Variants in PTPRD observed in about 807,000 individuals in gnomAD.
The protein encoded by PTPRD is protein tyrosine phosphatase receptor type D.
PTPRD carries 34 observed loss-of-function variants against 214.5 expected under a neutral mutation model. That is an observed-to-expected ratio of 0.16 (90% CI 0.12 to 0.21). The LOEUF is 0.21. PTPRD is among the 10% of genes least tolerant of loss of function. The probability of loss-of-function intolerance (pLI) is 1.00; values close to 1 mark genes in which losing one functional copy is unlikely to be tolerated. For synonymous variants in PTPRD, 1,128 were observed against 845.7 expected (o/e 1.33, Z -5.79); for missense variants, 2,545 against 2,398.7 (o/e 1.06, Z -1.27).
intron 5 of PTPRD, among the ~76,000 whole-genome samples, chr9:9,923,121 G>GTGT (rs1555340153): frequency 4.4e-5 from 2 of 45,350 alleles, no homozygotes; most frequent in African/African-American, 5.9e-4. Flanking sequence ...GTGTGTGTGG[G>GTGT]GGGTGTGTGT....
intron 12 of PTPRD, among the ~76,000 whole-genome samples, chr9:8,644,008 G>A (rs77254043): frequency 0.02 from 2,976 of 152,278 alleles, 72 homozygotes; most frequent in African/African-American, 0.068. Context: ...GCCCATGGCT[G>A]TCCATGGACC....
intron 36 of PTPRD, among the ~76,000 whole-genome samples, chr9:8,398,736 A>C (rs996967830): frequency 6.6e-6 from 1 of 152,158 alleles, no homozygotes; most frequent in Non-Finnish European, 1.5e-5. Context: ...GGATGCAGCA[A>C]AACAGAGCAC....
intron 4 of PTPRD, among the ~76,000 whole-genome samples, chr9:9,949,328 A>G (rs908122282): frequency 6.6e-6 from 1 of 152,156 alleles, no homozygotes; most frequent in African/African-American, 2.4e-5. Context: ...TTAAAACATT[A>G]TAAGACTTAA....
chr9:8,714,836 G>A (rs1396947730), intron 12 of PTPRD, among the ~76,000 whole-genome samples: 2 of 151,876 alleles, frequency 1.3e-5, no homozygotes, highest in Non-Finnish European at 2.9e-5. Flanking sequence ...GGTCACCTTT[G>A]AACACATAAT....
chr9:9,842,299 T>TTTG, intron 5 of PTPRD, among the ~76,000 whole-genome samples: 1 of 19,064 alleles, frequency 5.2e-5, no homozygotes, highest in Non-Finnish European at 2.2e-4. Context: ...AAGGAGAGCA[T>TTTG]TTTTTTTTTT....
chr9:8,348,053 AG>A (rs1297295387), intron 39 of PTPRD, among the ~76,000 whole-genome samples: 2 of 152,186 alleles, frequency 1.3e-5, no homozygotes, highest in Non-Finnish European at 2.9e-5. Flanking sequence ...CCTAAAAAAA[AG>A]TGCTAGAATA....
At chr9:9,247,105 C>A (rs10977614) in intron 9 of PTPRD, among the ~76,000 whole-genome samples, 16,833 of 152,006 alleles carry the variant, frequency 0.11, 1,182 homozygotes, top group Non-Finnish European at 0.15. Context: ...TCACTCTAGC[C>A]TTCTTCCACC....
chr9:8,856,200 T>C (rs1194590996), intron 11 of PTPRD, among the ~76,000 whole-genome samples: 3 of 8,356 alleles, frequency 3.6e-4, no homozygotes, highest in Non-Finnish European at 1.5e-3. Flanking sequence ...TACAACTTAA[T>C]CTTAAGTTAT....
intron 21 of PTPRD, among the ~76,000 whole-genome samples, chr9:8,508,540 T>C (rs1311585890): frequency 6.6e-6 from 1 of 152,088 alleles, no homozygotes; most frequent in Non-Finnish European, 1.5e-5. Flanking sequence ...TATGTTCATA[T>C]TCCCTCAAGT....
intron 11 of PTPRD, among the ~76,000 whole-genome samples, chr9:8,949,654 A>T (rs915956705): frequency 6.6e-6 from 1 of 152,150 alleles, no homozygotes; most frequent in Non-Finnish European, 1.5e-5. Flanking sequence ...TCTCATTATG[A>T]CATCTCATCC....
At chr9:9,861,237 A>C (rs772732469) in intron 5 of PTPRD, among the ~76,000 whole-genome samples, 2 of 152,136 alleles carry the variant, frequency 1.3e-5, no homozygotes, top group African/African-American at 2.4e-5. Context: ...AGTGAGACTC[A>C]CATGGTATGA....
chr9:8,739,609 A>G (rs1423660796), intron 11 of PTPRD, among the ~76,000 whole-genome samples: 1 of 152,206 alleles, frequency 6.6e-6, no homozygotes, highest in East Asian at 1.9e-4. Context: ...CAATGAGGTG[A>G]GAATTCTGAG....
chr9:8,682,606 T>G (rs2097572214), intron 12 of PTPRD, among the ~76,000 whole-genome samples: 1 of 152,232 alleles, frequency 6.6e-6, no homozygotes, highest in South Asian at 2.1e-4. Context: ...GGCAATTTGT[T>G]GTTAGCAGTT....
At chr9:9,726,832 G>T (rs911112068) in intron 7 of PTPRD, among the ~76,000 whole-genome samples, 1 of 152,112 alleles carries the variant, frequency 6.6e-6, no homozygotes, top group African/African-American at 2.4e-5. Flanking sequence ...AATGAAAAAT[G>T]GATAGGAGTG....
At chr9:9,079,872 C>G (rs1034935210) in intron 10 of PTPRD, among the ~76,000 whole-genome samples, 1 of 151,952 alleles carries the variant, frequency 6.6e-6, no homozygotes, top group Non-Finnish European at 1.5e-5. Context: ...ATGAGTTTAC[C>G]AGATTAATAC....
At chr9:9,158,785 T>C (rs1026575141) in intron 10 of PTPRD, among the ~76,000 whole-genome samples, 6 of 152,108 alleles carry the variant, frequency 3.9e-5, no homozygotes, top group Non-Finnish European at 8.8e-5. Flanking sequence ...ATATTGCAGA[T>C]GAATATACAT....
At chr9:8,645,719 C>T (rs1324037096) in intron 12 of PTPRD, among the ~76,000 whole-genome samples, 1 of 144,344 alleles carries the variant, frequency 6.9e-6, no homozygotes, top group African/African-American at 2.6e-5. Context: ...GATTATCTCC[C>T]ACTTGCACTT....
At chr9:10,603,160 G>A (rs1222002397) in intron 2 of PTPRD, among the ~76,000 whole-genome samples, 2 of 151,794 alleles carry the variant, frequency 1.3e-5, no homozygotes, top group African/African-American at 4.8e-5. Context: ...AGCTTGAAGG[G>A]CCACCCCAGG....
intron 3 of PTPRD, among the ~76,000 whole-genome samples, chr9:10,287,070 A>G (rs2095380205): frequency 6.6e-6 from 1 of 152,200 alleles, no homozygotes; most frequent in South Asian, 2.1e-4. Context: ...CATTGCCAAT[A>G]AAAAAGATGT....
Sources: allele counts gnomAD v4.1 joint callset (sites outside exome capture counted in the v4.1 genomes callset), GRCh38; gene constraint gnomAD v4.1.1; transcripts MANE v1.5; gene names NCBI Gene and HGNC (gene_info 2026-07-23, HGNC 2026-07-21).